SYT1: variants seen among roughly 807,000 people sequenced by gnomAD.
SYT1 encodes synaptotagmin 1.
In SYT1, 8 loss-of-function variants were observed where a neutral mutation model predicts 44.8. The ratio of observed to expected loss-of-function variants is 0.18; its 90% confidence interval spans 0.10 to 0.32. The LOEUF is 0.32. Among genes scored for constraint, SYT1 ranks in the 10% least tolerant of loss-of-function variants. The pLI is 1.00. For synonymous variants in SYT1, 154 were observed against 188.8 expected (o/e 0.82, Z 1.51); for missense variants, 286 against 509.3 (o/e 0.56, Z 4.22).
chr12:78,919,916 T>C (rs1467448425), intron 1 of SYT1, among the ~76,000 whole-genome samples: 1 of 152,030 alleles, frequency 6.6e-6, no homozygotes, highest in African/African-American at 2.4e-5. Context: ...TCAAGCATAA[T>C]ACAAATACAT....
intron 3 of SYT1, among the ~76,000 whole-genome samples, chr12:79,191,538 C>T (rs1160770857): frequency 1.3e-5 from 2 of 152,082 alleles, no homozygotes; most frequent in Non-Finnish European, 1.5e-5. Context: ...TTTTTAGTTG[C>T]TATGCAATTA....
chr12:78,939,323 C>G (rs747616336), intron 1 of SYT1, among the ~76,000 whole-genome samples: 1 of 152,098 alleles, frequency 6.6e-6, no homozygotes, highest in Non-Finnish European at 1.5e-5. Context: ...GCAAAGTAAG[C>G]TTCAAAACTT....
At chr12:79,180,367 T>C (rs1375308424) in intron 3 of SYT1, among the ~76,000 whole-genome samples, 1 of 152,122 alleles carries the variant, frequency 6.6e-6, no homozygotes, top group Non-Finnish European at 1.5e-5. Flanking sequence ...CAGAGAAGAC[T>C]ATAATTCTAG....
chr12:79,104,953 G>C (rs927126660), intron 3 of SYT1, among the ~76,000 whole-genome samples: 1 of 152,086 alleles, frequency 6.6e-6, no homozygotes, highest in Non-Finnish European at 1.5e-5. Flanking sequence ...TATTGGTCAT[G>C]AGTTCAAGAA....
Position 79,047,297 on chromosome 12 carries a change from A to G in SYT1, c.-83A>G, listed in dbSNP as rs143961947. 1 of 151,930 alleles carries G rather than the reference A, an allele frequency of 6.6e-6. No individual in the cohort carries two copies. Among genetic ancestry groups the G allele is most frequent in the African/African-American group, 2.4e-5 (1 of 41,548 alleles). 9.4% of individuals were successfully genotyped at this position (151,930 alleles called of 1,614,324 possible). A position where few individuals can be genotyped will look rare whatever the true frequency, so the allele number is the denominator to read the frequency against. ...TCTGTATATATTGTTTTCCTTTTAG[A>G]AAAACAGAATAATTCTGAAAGAAAG... On this transcript the variant is annotated splice_region_variant and 5_prime_UTR_variant, in exon 3 of 11. Transcript: ENST00000261205.
At chr12:79,248,950 G>T (rs1877014031) in intron 4 of SYT1, among the ~76,000 whole-genome samples, 1 of 152,066 alleles carries the variant, frequency 6.6e-6, no homozygotes. Context: ...AGAATAAACT[G>T]ATTTTATTTC....
intron 3 of SYT1, among the ~76,000 whole-genome samples, chr12:79,049,151 C>T (rs573046306): frequency 4.6e-5 from 7 of 151,878 alleles, no homozygotes; most frequent in South Asian, 2.1e-4. Context: ...TCCTTTTCTG[C>T]GCTGATTTAT....
At chr12:79,065,644 ATATT>A (rs1245516406) in intron 3 of SYT1, among the ~76,000 whole-genome samples, 7 of 152,194 alleles carry the variant, frequency 4.6e-5, no homozygotes, top group African/African-American at 1.7e-4. Context: ...ATGATTTTGA[ATATT>A]TATTATATTA....
chr12:79,034,562 T>C (rs1276028037), intron 2 of SYT1, among the ~76,000 whole-genome samples: 1 of 151,740 alleles, frequency 6.6e-6, no homozygotes, highest in African/African-American at 2.4e-5. Flanking sequence ...TGCTCATATG[T>C]AAATAGAGAT....
intron 8 of SYT1, among the ~76,000 whole-genome samples, chr12:79,322,256 C>T (rs1881398397): frequency 6.6e-6 from 1 of 152,132 alleles, no homozygotes; most frequent in African/African-American, 2.4e-5. Context: ...TAACGCATAA[C>T]TTATTCAAAC....
intron 3 of SYT1, among the ~76,000 whole-genome samples, chr12:79,195,508 GAAAAAAA>G (rs5799418): frequency 4.6e-4 from 59 of 129,408 alleles, no homozygotes; most frequent in Non-Finnish European, 3.6e-4. Context: ...AGGTAACCCT[GAAAAAAA>G]AAAAAAAAAA....
At chr12:78,962,226 C>G (rs1879541537) in intron 1 of SYT1, among the ~76,000 whole-genome samples, 1 of 151,420 alleles carries the variant, frequency 6.6e-6, no homozygotes, top group Admixed American at 6.6e-5. Context: ...AGCAAACATA[C>G]ATATGAACTA....
intron 8 of SYT1, among the ~76,000 whole-genome samples, chr12:79,334,946 T>G (rs1214740510): frequency 6.6e-6 from 1 of 152,142 alleles, no homozygotes; most frequent in East Asian, 1.9e-4. Context: ...AAGCTGGTCT[T>G]TTTTATTTCT....
intron 2 of SYT1, among the ~76,000 whole-genome samples, chr12:79,019,153 G>C (rs1211753965): frequency 1.3e-5 from 2 of 151,992 alleles, no homozygotes; most frequent in Non-Finnish European, 2.9e-5. Context: ...AGGGGTCACA[G>C]ATTTGCTGGC....
intron 9 of SYT1, among the ~76,000 whole-genome samples, chr12:79,379,171 A>G (rs1011228154): frequency 6.6e-6 from 1 of 152,110 alleles, no homozygotes; most frequent in Non-Finnish European, 1.5e-5. Flanking sequence ...TAGTCCTCAG[A>G]CCCAATAAAC....
At chr12:79,249,397 C>A (rs912818364) in intron 4 of SYT1, among the ~76,000 whole-genome samples, 2 of 152,286 alleles carry the variant, frequency 1.3e-5, no homozygotes, top group East Asian at 1.9e-4. Flanking sequence ...AGCCACCGCG[C>A]CCGGCCCTCT....
At chr12:79,340,362 G>C (rs1882308532) in intron 8 of SYT1, among the ~76,000 whole-genome samples, 1 of 152,092 alleles carries the variant, frequency 6.6e-6, no homozygotes, top group Non-Finnish European at 1.5e-5. Context: ...GTGGTTTGTA[G>C]TTCTCCTTGA....
At chr12:79,077,674 A>G (rs1348693769) in intron 3 of SYT1, among the ~76,000 whole-genome samples, 1 of 151,498 alleles carries the variant, frequency 6.6e-6, no homozygotes, top group Non-Finnish European at 1.5e-5. Flanking sequence ...AATTAAAGAC[A>G]TAAATTTTGA....
At chr12:78,967,675 AGCC>A in intron 1 of SYT1, among the ~76,000 whole-genome samples, 1 of 152,190 alleles carries the variant, frequency 6.6e-6, no homozygotes, top group East Asian at 1.9e-4. Flanking sequence ...ATGAGCAGAT[AGCC>A]ATCAGTGGGA....
Sources: gnomAD v4.1 joint callset for allele counts (sites outside exome capture counted in the v4.1 genomes callset) on GRCh38, gnomAD v4.1.1 for gene constraint, MANE v1.5 for transcripts, NCBI Gene and HGNC (gene_info 2026-07-23, HGNC 2026-07-21) for gene names.